BICC1: variants seen among roughly 807,000 people sequenced by gnomAD.
BICC1 encodes BicC family RNA binding protein 1.
Under a neutral mutation model 111.0 loss-of-function variants are expected in BICC1, and 43 were observed. The ratio of observed to expected loss-of-function variants is 0.39; its 90% CI spans 0.30 to 0.50. The LOEUF (loss-of-function observed/expected upper bound fraction) is 0.50, where lower values mean the gene tolerates loss of function less well. Ranked by LOEUF, BICC1 falls within the 20% of genes least tolerant of loss-of-function variation. The pLI, the probability that BICC1 is intolerant of heterozygous loss-of-function variation, is 0.88. For missense variants in BICC1, 1,091 were observed against 1,203.2 expected, an observed-to-expected ratio of 0.91 and a Z score of 1.38; for synonymous variants, 467 against 434.4, an observed-to-expected ratio of 1.07 and a Z score of -0.93.
intron 3 of BICC1, among the ~76,000 whole-genome samples, chr10:58,771,309 AG>A (rs1392586923): frequency 6.6e-6 from 1 of 152,212 alleles, no homozygotes. Context: ...ATGAGGAAAT[AG>A]ATATCAGTCA....
chr10:58,759,186 C>T (rs534823524), intron 3 of BICC1, among the ~76,000 whole-genome samples: 1 of 152,064 alleles, frequency 6.6e-6, no homozygotes, highest in African/African-American at 2.4e-5. Context: ...TCTCGAACTC[C>T]TGACCTCAGA....
intron 2 of BICC1, among the ~76,000 whole-genome samples, chr10:58,672,092 A>G (rs563340776): frequency 2.4e-4 from 36 of 152,310 alleles, no homozygotes; most frequent in African/African-American, 8.4e-4. Context: ...CATATACATA[A>G]CATGAAATTT....
chr10:58,607,626 TCTC>T lies in BICC1; in HGVS notation c.191-13228_191-13226del, dbSNP rs1845272574. Among the ~76,000 whole-genome samples, 3 of 152,202 alleles carry T rather than the reference TCTC, an allele frequency of 2.0e-5. No individual in the cohort carries two copies. The South Asian group carries it at 6.2e-4, about 32-fold the overall frequency. ...TCCCCATCGGCCTCCCTCACTTTCT[TCTC>T]TTTGTCATTTCCTCATCTCCTTCTC... On this transcript the variant is annotated intron_variant, in intron 1 of 20. Transcript: ENST00000373886.
rs143959853 is a variant in BICC1 at position 58,773,726 on chromosome 10, G to A, written c.308-11275G>A. On this transcript the variant is annotated intron_variant, in intron 3 of 20. Transcript: ENST00000373886. ...GGCAAATGGCGCATAACCAGGTACC[G>A]TTCTCAACTCTTTGACTTCTCTGCT... 7.2e-3 allele frequency among the ~76,000 whole-genome samples: 1,094 copies of A among 152,310 alleles called. 6 individuals carry two copies. Among genetic ancestry groups the A allele is most frequent in the South Asian group, 0.014 (67 of 4,824 alleles).
chr10:58,513,393 C>A (rs1490286976), intron 1 of BICC1, 60 bp downstream of exon 1: 9 of 1,442,872 alleles, frequency 6.2e-6, no homozygotes, highest in Non-Finnish European at 8.3e-6. Flanking sequence ...TTTCGGACAT[C>A]CCCACCGCGC....
At chr10:58,674,229 C>T in intron 2 of BICC1, among the ~76,000 whole-genome samples, 1 of 148,526 alleles carries the variant, frequency 6.7e-6, no homozygotes, top group Admixed American at 6.8e-5. Flanking sequence ...TGCTGCACCT[C>T]TGACCACTCT....
chr10:58,802,576 A>G (rs1362920023), intron 14 of BICC1, among the ~76,000 whole-genome samples: 2 of 152,180 alleles, frequency 1.3e-5, no homozygotes, highest in African/African-American at 2.4e-5. Flanking sequence ...TTTATCTGCT[A>G]CATTTTATTT....
chr10:58,803,005 G>A (rs1157233882), intron 14 of BICC1, 72 bp from the exon 15 acceptor site: 10 of 1,349,432 alleles, frequency 7.4e-6, no homozygotes, highest in Admixed American at 2.6e-5. Flanking sequence ...CATAGTAAAT[G>A]TGGCATGTAG....
chr10:58,583,366 C>T (rs1183452340), intron 1 of BICC1, among the ~76,000 whole-genome samples: 2 of 152,054 alleles, frequency 1.3e-5, no homozygotes, highest in Non-Finnish European at 2.9e-5. Context: ...CCTCATCCCC[C>T]TCCCACCCTT....
chr10:58,745,365 G>A (rs1016802451), intron 3 of BICC1, among the ~76,000 whole-genome samples: 1 of 152,042 alleles, frequency 6.6e-6, no homozygotes, highest in Non-Finnish European at 1.5e-5. Context: ...TCCCTCACAG[G>A]ATTATGCAGG....
At chr10:58,575,245 A>C (rs1377688790) in intron 1 of BICC1, among the ~76,000 whole-genome samples, 1 of 151,704 alleles carries the variant, frequency 6.6e-6, no homozygotes, top group African/African-American at 2.4e-5. Context: ...ATGGGTTCTC[A>C]TTGTTCAACT....
chr10:58,681,144 A>G (rs1382450819), intron 2 of BICC1, among the ~76,000 whole-genome samples: 1 of 152,252 alleles, frequency 6.6e-6, no homozygotes, highest in Non-Finnish European at 1.5e-5. Flanking sequence ...CACCAAAAGC[A>G]ATGGCAACAA....
intron 2 of BICC1, among the ~76,000 whole-genome samples, chr10:58,688,260 C>T (rs906521207): frequency 6.6e-5 from 10 of 152,110 alleles, no homozygotes; most frequent in Admixed American, 1.3e-4. Flanking sequence ...GGTGCCGCCA[C>T]GTCCTGCTGA....
chr10:58,563,719 C>T (rs1427543594), intron 1 of BICC1, among the ~76,000 whole-genome samples: 2 of 152,156 alleles, frequency 1.3e-5, no homozygotes, highest in Non-Finnish European at 2.9e-5. Context: ...AAATCAGAGA[C>T]AAAGGGGTGT....
intron 3 of BICC1, among the ~76,000 whole-genome samples, chr10:58,719,128 C>T (rs1219450496): frequency 6.6e-6 from 1 of 152,116 alleles, no homozygotes; most frequent in East Asian, 1.9e-4. Context: ...GTATGGTTTA[C>T]TTTCTCTTTA....
At chr10:58,647,780 A>G (rs1372465203) in intron 2 of BICC1, among the ~76,000 whole-genome samples, 1 of 137,284 alleles carries the variant, frequency 7.3e-6, no homozygotes, top group Non-Finnish European at 1.5e-5. Context: ...GCTTTCTCAG[A>G]AAAAAAAAAA....
intron 1 of BICC1, among the ~76,000 whole-genome samples, chr10:58,577,600 A>G (rs1210003398): frequency 2.0e-5 from 3 of 152,236 alleles, no homozygotes; most frequent in African/African-American, 7.2e-5. Flanking sequence ...AAACTCAAGT[A>G]TAGCAAACCA....
chr10:58,807,227 C>A, intron 17 of BICC1, 69 bp downstream of exon 17: 1 of 1,444,580 alleles, frequency 6.9e-7, no homozygotes, highest in Non-Finnish European at 9.4e-7. Context: ...GTCCTTCCCC[C>A]ACCCTCATTC....
intron 1 of BICC1, among the ~76,000 whole-genome samples, chr10:58,527,946 A>G (rs1177869028): frequency 6.6e-6 from 1 of 151,928 alleles, no homozygotes; most frequent in Non-Finnish European, 1.5e-5. Context: ...GAATAATAAT[A>G]TGTCTCATGT....
Sources: allele counts gnomAD v4.1 joint callset (sites outside exome capture counted in the v4.1 genomes callset), GRCh38; gene constraint gnomAD v4.1.1; transcripts MANE v1.5; gene names NCBI Gene and HGNC (gene_info 2026-07-23, HGNC 2026-07-21).